Variants in IQCM observed in about 807,000 individuals in gnomAD.
IQCM encodes the protein IQ motif containing M.
Under a neutral mutation model 57.6 loss-of-function variants are expected in IQCM, and 45 were observed. That is an observed-to-expected ratio of 0.78 (90% CI 0.62 to 1.00). IQCM has a LOEUF of 1.00. Ranked by LOEUF, IQCM falls within the 50% of genes least tolerant of loss-of-function variation. IQCM has a pLI of 0.00. For missense variants in IQCM, 468 were observed against 511.6 expected (o/e 0.91, Z 0.82); for synonymous variants, 148 against 158.9 (o/e 0.93, Z 0.51).
In IQCM at chr4:149,593,561, T is replaced by C. The variant is rs538402315; in HGVS notation, c.682-5564A>G. 9.8e-3 allele frequency among the ~76,000 whole-genome samples: 1,491 copies of C among 152,248 alleles called. 38 individuals are homozygous for C. Among genetic ancestry groups the C allele is most frequent in the African/African-American group, 0.034 (1,417 of 41,518 alleles). On this transcript the variant is annotated intron_variant, in intron 8 of 13. Coordinates refer to ENST00000636793, the MANE Select transcript of IQCM (RefSeq NM_001363507.2). ...GTTTTCAAAGGGAATGCTTCCAGTT[T>C]TTGCCCATTCAGTATGATATTGGCT... is the stretch of plus-strand genomic sequence containing the variant.
At chr4:149,656,273 T>C (rs997772591) in intron 7 of IQCM, among the ~76,000 whole-genome samples, 1 of 152,122 alleles carries the variant, frequency 6.6e-6, no homozygotes, top group Non-Finnish European at 1.5e-5. Context: ...TTTGAATAGT[T>C]ATTGTAACAA....
chr4:149,382,569 G>C (rs527844999), intron 13 of IQCM, among the ~76,000 whole-genome samples: 5 of 151,884 alleles, frequency 3.3e-5, no homozygotes, highest in Non-Finnish European at 5.9e-5. Context: ...AGCAGAATAA[G>C]TACTTTCCCT....
At chr4:149,514,931 T>C (rs1349908736) in intron 12 of IQCM, among the ~76,000 whole-genome samples, 1 of 152,184 alleles carries the variant, frequency 6.6e-6, no homozygotes, top group Non-Finnish European at 1.5e-5. Context: ...GGATGCTTCC[T>C]GCCCGTGAAC....
intron 12 of IQCM, among the ~76,000 whole-genome samples, chr4:149,456,866 G>T (rs905683744): frequency 6.6e-6 from 1 of 152,076 alleles, no homozygotes; most frequent in Non-Finnish European, 1.5e-5. Context: ...ATGAAAGCCA[G>T]TGTAAAGAAA....
intron 7 of IQCM, among the ~76,000 whole-genome samples, chr4:149,639,056 G>A (rs958526126): frequency 6.6e-6 from 1 of 152,190 alleles, no homozygotes. Context: ...CTAACGTGAC[G>A]TCTACTTGCC....
intron 8 of IQCM, among the ~76,000 whole-genome samples, chr4:149,612,504 T>C (rs1755389216): frequency 6.6e-6 from 1 of 152,258 alleles, no homozygotes; most frequent in Non-Finnish European, 1.5e-5. Flanking sequence ...TACATATGTA[T>C]GTTCATTTTC....
chr4:149,475,636 G>A (rs1740104125), intron 12 of IQCM, among the ~76,000 whole-genome samples: 1 of 151,932 alleles, frequency 6.6e-6, no homozygotes, highest in Admixed American at 6.6e-5. Flanking sequence ...AGCACTGAGG[G>A]GGGAAGAAGA....
chr4:149,588,582 G>A (rs542344896), intron 8 of IQCM, among the ~76,000 whole-genome samples: 15 of 151,696 alleles, frequency 9.9e-5, no homozygotes, highest in Non-Finnish European at 1.8e-4. Context: ...TCAAAAGGGC[G>A]GGGCCTAATT....
chr4:149,570,884 A>G (rs985080099), intron 9 of IQCM, among the ~76,000 whole-genome samples: 4 of 152,128 alleles, frequency 2.6e-5, no homozygotes, highest in African/African-American at 4.8e-5. Flanking sequence ...TTGCCAAAAC[A>G]TATATGAAAA....
chr4:149,658,505 G>A (rs1353557400), intron 7 of IQCM, among the ~76,000 whole-genome samples: 1 of 151,896 alleles, frequency 6.6e-6, no homozygotes, highest in East Asian at 1.9e-4. Context: ...GGTTCCATAA[G>A]AATTTTAAGA....
At chr4:149,734,104 C>A (rs1468738692) in intron 4 of IQCM, among the ~76,000 whole-genome samples, 1 of 151,952 alleles carries the variant, frequency 6.6e-6, no homozygotes, top group East Asian at 1.9e-4. Flanking sequence ...AGGTAATTAT[C>A]CAAATAGCAT....
chr4:149,468,783 A>G (rs1295079781), intron 12 of IQCM, among the ~76,000 whole-genome samples: 1 of 152,170 alleles, frequency 6.6e-6, no homozygotes, highest in Admixed American at 6.5e-5. Flanking sequence ...AAGCTTCCAA[A>G]GGAAGGATCA....
chr4:149,788,829 G>T (rs768848720), intron 2 of IQCM, among the ~76,000 whole-genome samples: 6 of 152,118 alleles, frequency 3.9e-5, no homozygotes, highest in Non-Finnish European at 8.8e-5. Flanking sequence ...AATAATAAAA[G>T]CCTGTCATTT....
At chr4:149,553,064 C>T in intron 11 of IQCM, 79 bp downstream of exon 11, 1 of 1,050,992 alleles carries the variant, frequency 9.5e-7, no homozygotes, top group Non-Finnish European at 1.2e-6. Flanking sequence ...TTGCTTTCTA[C>T]AGGTAATTAT....
At chr4:149,424,485 A>C (rs1338807702) in intron 13 of IQCM, among the ~76,000 whole-genome samples, 1 of 151,870 alleles carries the variant, frequency 6.6e-6, no homozygotes, top group Non-Finnish European at 1.5e-5. Flanking sequence ...AATGTGCATC[A>C]AAATGTGTGG....
intron 7 of IQCM, among the ~76,000 whole-genome samples, chr4:149,645,114 T>A (rs114960120): frequency 0.01 from 1,565 of 152,314 alleles, 13 homozygotes; most frequent in Middle Eastern, 0.02. Flanking sequence ...TTTCTAGTCC[T>A]CAGTCCAGTT....
intron 5 of IQCM, among the ~76,000 whole-genome samples, chr4:149,705,525 T>G (rs183822206): frequency 6.6e-6 from 1 of 151,792 alleles, no homozygotes; most frequent in Non-Finnish European, 1.5e-5. Flanking sequence ...TTGGCATACC[T>G]TTTATATCCA....
At chr4:149,369,094 G>T (rs1328740586) in intron 13 of IQCM, among the ~76,000 whole-genome samples, 1 of 143,396 alleles carries the variant, frequency 7.0e-6, no homozygotes, top group Non-Finnish European at 1.5e-5. Context: ...ACCCAGGCTG[G>T]AGTGCAATGG....
intron 8 of IQCM, among the ~76,000 whole-genome samples, chr4:149,600,371 A>T (rs1754166083): frequency 6.6e-6 from 1 of 152,180 alleles, no homozygotes; most frequent in African/African-American, 2.4e-5. Flanking sequence ...CCTTCCCTTG[A>T]TTCCATAAGT....
Sources: gnomAD v4.1 joint callset for allele counts (sites outside exome capture counted in the v4.1 genomes callset) on GRCh38, gnomAD v4.1.1 for gene constraint, MANE v1.5 for transcripts, NCBI Gene and HGNC (gene_info 2026-07-23, HGNC 2026-07-21) for gene names.